PDZD2: variants seen among roughly 807,000 people sequenced by gnomAD.
The protein encoded by PDZD2 is PDZ domain containing 2, also known as PDZ domain-containing protein 2.
In PDZD2, 90 loss-of-function variants were observed where a neutral mutation model predicts 220.7. The observed-to-expected ratio is 0.41, with a 90% CI of 0.34 to 0.49. The LOEUF (loss-of-function observed/expected upper bound fraction) is 0.49, where lower values mean the gene tolerates loss of function less well. PDZD2 is among the 20% of genes least tolerant of loss of function. The pLI is 0.28. For missense variants in PDZD2, 3,174 were observed against 3,608.5 expected (o/e 0.88, Z 3.08); for synonymous variants, 1,375 against 1,450.5 (o/e 0.95, Z 1.18).
chr5:31,691,725 A>G (rs1035378644), intron 1 of PDZD2, among the ~76,000 whole-genome samples: 2 of 152,278 alleles, frequency 1.3e-5, no homozygotes, highest in Non-Finnish European at 1.5e-5. Flanking sequence ...CAGATTAGCT[A>G]GATACAGAGT....
intron 1 of PDZD2, among the ~76,000 whole-genome samples, chr5:31,779,802 G>A (rs1326354521): frequency 6.6e-6 from 1 of 152,046 alleles, no homozygotes; most frequent in Non-Finnish European, 1.5e-5. Flanking sequence ...GCCTCAGTTT[G>A]GTATGCCTGT....
At chr5:32,001,321 A>G (rs1288825770) in intron 5 of PDZD2, among the ~76,000 whole-genome samples, 1 of 152,184 alleles carries the variant, frequency 6.6e-6, no homozygotes, top group East Asian at 1.9e-4. Flanking sequence ...GAAAGGGAAG[A>G]GAGGCTCAGG....
intron 2 of PDZD2, among the ~76,000 whole-genome samples, chr5:31,945,044 C>T (rs139270705): frequency 6.6e-6 from 1 of 152,168 alleles, no homozygotes; most frequent in Non-Finnish European, 1.5e-5. Flanking sequence ...TTGGATGATG[C>T]AAGTTGTATA....
chr5:31,964,861 A>G (rs1044165743), intron 2 of PDZD2, among the ~76,000 whole-genome samples: 313 of 152,078 alleles, frequency 2.1e-3, no homozygotes, highest in Middle Eastern at 6.8e-3. Context: ...GACTACAGGC[A>G]CCCGCCACCA....
Position 32,074,053 on chromosome 5 carries a change from A to G in PDZD2, c.2947A>G (p.Ile983Val). The change falls in exon 18 of 25, where the codon ATT becomes GTT. Residue 983 changes from isoleucine (I) to valine (V), a missense_variant. Transcript: ENST00000438447. ...EEEFDREGDC[I>V]SLPGALPGPI... ...AGAGTTTGACAGAGAAGGGGACTGC[A>G]TTTCACTCCCAGGGGCCCTCCCGGG... 1.2e-6 allele frequency: 2 copies of G among 1,614,032 alleles called. No individual in the cohort carries two copies. Among genetic ancestry groups the G allele is most frequent in the Non-Finnish European group, 1.7e-6 (2 of 1,179,974 alleles).
At position 32,098,385 on chromosome 5, in the gene PDZD2, G is replaced by C; in HGVS notation, c.7969G>C (p.Gly2657Arg). ...SITVHRVFSQ[G>R]AASQEGTMNR... ...CCAGGTCCACAGGGTGTTTTCTCAG[G>C]GGGCGGCTTCTCAGGAAGGGACTAT... The change falls in exon 23 of 25, where the codon GGG becomes CGG. Residue 2657 changes from glycine to arginine, a missense_variant. Transcript: ENST00000438447. This position sits in a 1 kb window ranked among gnomAD's most constrained non-coding sequence, Gnocchi z 4.1. 1 of 1,614,066 alleles carries C rather than the reference G, an allele frequency of 6.2e-7. No individual in the cohort carries two copies.
At chr5:31,977,213 G>A (rs1247000187) in intron 2 of PDZD2, among the ~76,000 whole-genome samples, 3 of 152,054 alleles carry the variant, frequency 2.0e-5, no homozygotes, top group East Asian at 3.9e-4. Flanking sequence ...GGCAGTACCC[G>A]CCATGGGTTC....
chr5:31,811,521 A>G (rs6891809), intron 2 of PDZD2, among the ~76,000 whole-genome samples: 18,867 of 152,206 alleles, frequency 0.12, 1,251 homozygotes, highest in Middle Eastern at 0.16. Context: ...GGCTAGTTCC[A>G]TAGCTGAAGT....
At chr5:31,681,528 G>A (rs1399081552) in intron 1 of PDZD2, among the ~76,000 whole-genome samples, 4 of 151,892 alleles carry the variant, frequency 2.6e-5, no homozygotes, top group Non-Finnish European at 4.4e-5. Flanking sequence ...GATTACAGGC[G>A]TGAGCCTATA....
chr5:31,881,285 T>C (rs889694242), intron 2 of PDZD2, among the ~76,000 whole-genome samples: 3 of 151,892 alleles, frequency 2.0e-5, no homozygotes, highest in African/African-American at 7.3e-5. Context: ...CAGGAATGTG[T>C]TTTTAATGAC....
intron 19 of PDZD2, among the ~76,000 whole-genome samples, chr5:32,084,957 T>TC (rs1419148482): frequency 7.1e-6 from 1 of 140,554 alleles, no homozygotes; most frequent in African/African-American, 2.6e-5. Context: ...CCTTTTTTTT[T>TC]TTTTTTTTTT....
At chr5:31,819,606 G>A (rs1484351157) in intron 2 of PDZD2, among the ~76,000 whole-genome samples, 1 of 140,534 alleles carries the variant, frequency 7.1e-6, no homozygotes, top group Non-Finnish European at 1.5e-5. Context: ...GCAGTGAGCC[G>A]AGATCATGCC....
chr5:31,716,879 G>T (rs549304806), intron 1 of PDZD2, among the ~76,000 whole-genome samples: 1 of 152,244 alleles, frequency 6.6e-6, no homozygotes, highest in East Asian at 1.9e-4. Context: ...GTCCCTAGTG[G>T]TTTAATACCT....
At chr5:31,989,632 C>T (rs1751055378) in intron 3 of PDZD2, among the ~76,000 whole-genome samples, 1 of 152,038 alleles carries the variant, frequency 6.6e-6, no homozygotes, top group South Asian at 2.1e-4. Flanking sequence ...CCATGTTGGC[C>T]AGGCTGGCCT....
At chr5:31,900,442 G>T (rs893499396) in intron 2 of PDZD2, among the ~76,000 whole-genome samples, 21 of 152,334 alleles carry the variant, frequency 1.4e-4, no homozygotes, top group Middle Eastern at 3.4e-3. Context: ...AAGGGGATAG[G>T]GGAGGGACTT....
intron 2 of PDZD2, among the ~76,000 whole-genome samples, chr5:31,810,353 C>T (rs1755026458): frequency 6.6e-6 from 1 of 151,106 alleles, no homozygotes; most frequent in Non-Finnish European, 1.5e-5. Flanking sequence ...ACCTCCGCCT[C>T]CCGGGTTCAT....
Position 32,000,363 on chromosome 5 carries a change from CAT to C in PDZD2, c.1254+93_1254+94del, listed in dbSNP as rs1420484953. ...CCCATGCCACACACACACACAAAGA[CAT>C]GTGTGCACTTGTACGTTTGCCTTGG... On this transcript the variant is annotated intron_variant, in intron 5 of 24. Coordinates refer to ENST00000438447, the MANE Select transcript of PDZD2 (RefSeq NM_178140.4). The surrounding 1 kb of genome is among the most constrained non-coding windows in gnomAD (Gnocchi z 4.5). The C allele has an allele frequency of 5.6e-5, 75 of 1,340,588 alleles. No individual in the cohort carries two copies. The highest frequency in any genetic ancestry group is 1.8e-4 in the Middle Eastern group (1 of 5,496). The allele number at this position is 1,340,588 out of a possible 1,614,324, so 83.0% of individuals were successfully genotyped here.
At chr5:32,020,642 C>CTTTTTT (rs11459649) in intron 6 of PDZD2, among the ~76,000 whole-genome samples, 1 of 146,258 alleles carries the variant, frequency 6.8e-6, no homozygotes, top group African/African-American at 2.5e-5. Flanking sequence ...ACAAAATGAT[C>CTTTTTT]TTTTTTTTTT....
In PDZD2 at chr5:31,778,620, G is replaced by A. The variant is rs750625028; in HGVS notation, c.-360-20269G>A. On this transcript the variant is annotated intron_variant, in intron 1 of 24. Transcript: ENST00000438447. ...GAACCCACCAGCAGGAAGAAACTCC[G>A]AACACGTCCGAACGTCAGAAGGAAC... Among the ~76,000 whole-genome samples the A allele has an allele frequency of 3.3e-5, 5 of 152,124 alleles. No homozygotes were observed. The East Asian group carries it at 5.8e-4, about 18-fold the overall frequency.
Sources: allele counts gnomAD v4.1 joint callset (sites outside exome capture counted in the v4.1 genomes callset), GRCh38; gene constraint gnomAD v4.1.1; non-coding constraint Gnocchi (gnomAD v3.1); transcripts MANE v1.5; gene names NCBI Gene and HGNC (gene_info 2026-07-23, HGNC 2026-07-21).